The following SNX8 variants were observed in gnomAD, a reference collection of about 807,000 sequenced individuals.
SNX8 encodes sorting nexin 8.
In SNX8, 25 loss-of-function variants were observed where a neutral mutation model predicts 51.6. The ratio of observed to expected loss-of-function variants is 0.48; its 90% CI spans 0.35 to 0.68. The LOEUF is 0.68. Among genes scored for constraint, SNX8 ranks in the 30% least tolerant of loss-of-function variants. The pLI, the probability that SNX8 is intolerant of heterozygous loss-of-function variation, is 0.00. For missense variants in SNX8, 695 were observed against 624.0 expected, an observed-to-expected ratio of 1.11 and a Z score of -1.21; for synonymous variants, 324 against 277.0, an observed-to-expected ratio of 1.17 and a Z score of -1.68.
intron 2 of SNX8, among the ~76,000 whole-genome samples, chr7:2,275,457 T>TG (rs1279318513): frequency 6.6e-6 from 1 of 152,174 alleles, no homozygotes; most frequent in African/African-American, 2.4e-5. Context: ...CTCAGCATTC[T>TG]GGGAGGTTGA....
chr7:2,280,886 G>A (rs570073066), intron 1 of SNX8, among the ~76,000 whole-genome samples: 8 of 148,618 alleles, frequency 5.4e-5, no homozygotes, highest in South Asian at 2.1e-4. Flanking sequence ...TCCACCTCCC[G>A]GGTTCAAGCA....
chr7:2,263,188 G>A (rs764433635), intron 7 of SNX8, 42 bp downstream of exon 7: 6 of 1,608,980 alleles, frequency 3.7e-6, no homozygotes, highest in East Asian at 2.2e-5. Flanking sequence ...AAGGCATAGC[G>A]TGTTCTCTGG....
At chr7:2,286,523 T>TA (rs1433526456) in intron 1 of SNX8, among the ~76,000 whole-genome samples, 103 of 101,808 alleles carry the variant, frequency 1.0e-3, no homozygotes, top group East Asian at 8.2e-3. Context: ...TATTTTATAA[T>TA]TTTTTTTTTT....
chr7:2,300,835 G>A (rs533617003), intron 1 of SNX8, among the ~76,000 whole-genome samples: 2 of 152,128 alleles, frequency 1.3e-5, no homozygotes, highest in Non-Finnish European at 1.5e-5. Flanking sequence ...TAGAGACGGG[G>A]TTTCACCATG....
At chr7:2,297,851 G>A (rs1796306609) in intron 1 of SNX8, among the ~76,000 whole-genome samples, 1 of 151,734 alleles carries the variant, frequency 6.6e-6, no homozygotes, top group African/African-American at 2.4e-5. Context: ...GGACACAAAA[G>A]CAGGCAAAAG....
At chr7:2,277,281 G>T (rs931132520) in intron 2 of SNX8, among the ~76,000 whole-genome samples, 1 of 152,234 alleles carries the variant, frequency 6.6e-6, no homozygotes, top group Non-Finnish European at 1.5e-5. Context: ...CGGTGTCTGT[G>T]TCTCACCTGC....
At chr7:2,311,733 C>A (rs1448177442) in intron 1 of SNX8, among the ~76,000 whole-genome samples, 2 of 152,094 alleles carry the variant, frequency 1.3e-5, no homozygotes, top group African/African-American at 2.4e-5. Context: ...GTCAGGAGAT[C>A]GAGACCATCC....
intron 1 of SNX8, among the ~76,000 whole-genome samples, chr7:2,333,591 AT>A (rs1778776384): frequency 6.6e-6 from 1 of 152,148 alleles, no homozygotes; most frequent in South Asian, 2.1e-4. Context: ...AGCAGCAGCA[AT>A]CAAGATAATG....
intron 2 of SNX8, among the ~76,000 whole-genome samples, chr7:2,277,615 A>G (rs551330448): frequency 6.8e-6 from 1 of 147,954 alleles, no homozygotes; most frequent in African/African-American, 2.5e-5. Flanking sequence ...CCTGGCTAAC[A>G]TGGTGAAACC....
intron 1 of SNX8, among the ~76,000 whole-genome samples, chr7:2,299,839 A>G (rs183867779): frequency 6.6e-5 from 10 of 152,274 alleles, no homozygotes; most frequent in Admixed American, 1.3e-4. Flanking sequence ...AAGAACCTTC[A>G]TTGGCCACCA....
chr7:2,261,082 G>T (rs1795323634), intron 7 of SNX8, among the ~76,000 whole-genome samples: 1 of 152,212 alleles, frequency 6.6e-6, no homozygotes, highest in South Asian at 2.1e-4. Context: ...CCTGTGACAA[G>T]AATGGCTTTT....
In SNX8 at chr7:2,254,780, G is replaced by A. The variant is rs1584658398; in HGVS notation, c.*276C>T. ...TGAGATGAGAGATCCCTGCCTCCCC[G>A]CACAGCTCTGGGTGTCAGGAGGAAA... is the stretch of plus-strand genomic sequence containing the variant. On this transcript the variant is annotated 3_prime_UTR_variant, in exon 11 of 11. Coordinates refer to ENST00000222990, the MANE Select transcript of SNX8 (RefSeq NM_013321.4). The A allele has an allele frequency of 2.0e-5, 10 of 511,818 alleles. No individual in the cohort carries two copies. Among genetic ancestry groups the A allele is most frequent in the Non-Finnish European group, 2.8e-5 (8 of 284,306 alleles). 31.7% of individuals were successfully genotyped at this position (511,818 alleles called of 1,614,324 possible).
In SNX8 at chr7:2,351,574, T is replaced by G. The variant is rs187152636; in HGVS notation, c.-66+2648A>C. ...TAGGCCAGGCGCAGTGGCTCACGCC[T>G]GTAATCCCAGCACTTCGGGAGGCCA... is the stretch of plus-strand genomic sequence containing the variant. On this transcript the variant is annotated intron_variant, in intron 1 of 5. Transcript: ENST00000435336. 3.5e-3 allele frequency among the ~76,000 whole-genome samples: 522 copies of G among 150,872 alleles called. 12 individuals carry two copies. Among genetic ancestry groups the G allele is most frequent in the Admixed American group, 0.031 (473 of 15,116 alleles).
chr7:2,325,500 T>A (rs1778607009), intron 1 of SNX8, among the ~76,000 whole-genome samples: 1 of 152,004 alleles, frequency 6.6e-6, no homozygotes, highest in African/African-American at 2.4e-5. Context: ...AATACAGACG[T>A]TAAAGGTGCT....
At position 2,351,826 on chromosome 7, in the gene SNX8, A is replaced by T; in HGVS notation, c.-66+2396T>A. ...AGCCTGGGCGACAGAGTGAGACTCC[A>T]TCTCAAAAAATAAATAAATAAATAA... On this transcript the variant is annotated intron_variant, in intron 1 of 5. Transcript: ENST00000435336. Among the ~76,000 whole-genome samples, 4 of 151,676 alleles carry T rather than the reference A, an allele frequency of 2.6e-5. 1 individual carries two copies. Among genetic ancestry groups the T allele is most frequent in the Admixed American group, 2.6e-4 (4 of 15,218 alleles).
chr7:2,351,220 C>A (rs1374001960), intron 1 of SNX8, among the ~76,000 whole-genome samples: 2 of 152,162 alleles, frequency 1.3e-5, no homozygotes, highest in Non-Finnish European at 2.9e-5. Context: ...AGGGTTGGTG[C>A]GGTGCCTCAG....
At chr7:2,297,676 G>T (rs1180514955) in intron 1 of SNX8, among the ~76,000 whole-genome samples, 1 of 150,986 alleles carries the variant, frequency 6.6e-6, no homozygotes, top group Non-Finnish European at 1.5e-5. Flanking sequence ...CAGAAAATGT[G>T]GTTCATATAC....
chr7:2,282,775 G>C (rs59031670), intron 1 of SNX8, among the ~76,000 whole-genome samples: 1 of 152,290 alleles, frequency 6.6e-6, no homozygotes, highest in African/African-American at 2.4e-5. Flanking sequence ...TCAGGAGTTT[G>C]AGGCCTGCCT....
upstream of SNX8, chr7:2,314,475 T>C (rs531419352): frequency 2.5e-6 from 3 of 1,183,396 alleles, no homozygotes; most frequent in South Asian, 4.2e-5. Context: ...CGCGCAGCCC[T>C]GCCGCGCCGC....
Sources: gnomAD v4.1 joint callset for allele counts (sites outside exome capture counted in the v4.1 genomes callset) on GRCh38, gnomAD v4.1.1 for gene constraint, MANE v1.5 for transcripts, NCBI Gene and HGNC (gene_info 2026-07-23, HGNC 2026-07-21) for gene names.